RHOH: variants seen among roughly 807,000 people sequenced by gnomAD.
The protein encoded by RHOH is ras homolog family member H.
RHOH carries 6 observed loss-of-function variants against 13.8 expected under a neutral mutation model. The observed-to-expected ratio is 0.44, with a 90% CI of 0.24 to 0.86. The LOEUF is 0.86. Among genes scored for constraint, RHOH ranks in the 40% least tolerant of loss-of-function variants. The pLI is 0.24. For missense variants in RHOH, 147 were observed against 244.5 expected (o/e 0.60, Z 2.66); for synonymous variants, 117 against 103.0 (o/e 1.14, Z -0.82).
chr4:40,223,205 A>G (rs1213927428), intron 1 of RHOH, among the ~76,000 whole-genome samples: 1 of 152,258 alleles, frequency 6.6e-6, no homozygotes, highest in African/African-American at 2.4e-5. Flanking sequence ...ACATAAACTT[A>G]CTTGATAAAG....
intron 1 of RHOH, among the ~76,000 whole-genome samples, chr4:40,199,141 A>G (rs1045365669): frequency 6.6e-6 from 1 of 152,210 alleles, no homozygotes. Context: ...AATAACAGTA[A>G]TAATAACTGA....
chr4:40,214,762 T>C (rs1725680043), intron 1 of RHOH, among the ~76,000 whole-genome samples: 1 of 152,160 alleles, frequency 6.6e-6, no homozygotes, highest in South Asian at 2.1e-4. Flanking sequence ...TTTGATCCCA[T>C]GGATAAGACC....
Position 40,246,353 on chromosome 4 carries a change from G to T in RHOH, c.*2391G>T. The T allele has an allele frequency of 6.5e-6, 1 of 152,686 alleles. No homozygotes were observed. The allele number at this position is 152,686 out of a possible 1,614,324, so 9.5% of individuals were successfully genotyped here. A position where few individuals can be genotyped will look rare whatever the true frequency, so the allele number is the denominator to read the frequency against. Reference sequence around the variant, plus strand: ...GTGAAGGAAGAGGAGGTGGTTCCACGGTGGCAGCAGAGCAGGAAGGGAAGG... The same window carrying T: ...GTGAAGGAAGAGGAGGTGGTTCCACTGTGGCAGCAGAGCAGGAAGGGAAGG... On this transcript the variant is annotated 3_prime_UTR_variant, in exon 3 of 3. Coordinates refer to ENST00000381799, the MANE Select transcript of RHOH (RefSeq NM_004310.5).
chr4:40,222,630 T>G (rs1233256151), intron 1 of RHOH, among the ~76,000 whole-genome samples: 1 of 152,222 alleles, frequency 6.6e-6, no homozygotes, highest in African/African-American at 2.4e-5. Flanking sequence ...ACAACGCACC[T>G]AGTCACCCAA....
upstream of RHOH, among the ~76,000 whole-genome samples, chr4:40,192,794 G>C (rs1216817670): frequency 2.0e-5 from 3 of 152,206 alleles, no homozygotes; most frequent in Non-Finnish European, 4.4e-5. Context: ...GGCTCTGGCT[G>C]CTCCTCGTTG....
chr4:40,228,415 A>T (rs1013878940), intron 1 of RHOH, among the ~76,000 whole-genome samples: 34 of 152,328 alleles, frequency 2.2e-4, no homozygotes, highest in African/African-American at 8.2e-4. Context: ...GATATATAGA[A>T]ATGGTCTGGA....
chr4:40,207,163 G>A (rs1724745673), intron 1 of RHOH, among the ~76,000 whole-genome samples: 1 of 150,842 alleles, frequency 6.6e-6, no homozygotes, highest in East Asian at 2.0e-4. Flanking sequence ...CAGAGATCGT[G>A]CCACTGCACT....
At chr4:40,201,214 A>G (rs1471492842) in intron 1 of RHOH, among the ~76,000 whole-genome samples, 1 of 152,162 alleles carries the variant, frequency 6.6e-6, no homozygotes, top group East Asian at 1.9e-4. Context: ...GGGTAGACAG[A>G]ATTATTCAAC....
chr4:40,201,848 GC>G (rs1479140080), intron 1 of RHOH, among the ~76,000 whole-genome samples: 1 of 150,864 alleles, frequency 6.6e-6, no homozygotes, highest in African/African-American at 2.4e-5. Flanking sequence ...AAAGTAATAT[GC>G]ATGAACATAT....
upstream of RHOH, among the ~76,000 whole-genome samples, chr4:40,191,980 A>G (rs530082165): frequency 2.0e-5 from 3 of 152,002 alleles, no homozygotes; most frequent in East Asian, 5.8e-4. Context: ...AGAGGAAATC[A>G]CCCATGAGAT....
In RHOH at chr4:40,246,040, C is replaced by T. The variant is rs1414545119; in HGVS notation, c.*2078C>T. ...TTGGAGAGCCCGTGTCTCTAGTTCT[C>T]AGCTCAGGGTTGGGGGGCTTGAAAG... On this transcript the variant is annotated 3_prime_UTR_variant, in exon 3 of 3. Transcript: ENST00000381799. The T allele has an allele frequency of 6.6e-6, 1 of 152,242 alleles. No individual in the cohort carries two copies. The highest frequency in any genetic ancestry group is 1.5e-5 in the Non-Finnish European group (1 of 68,094). The allele number at this position is 152,242 out of a possible 1,614,324, so 9.4% of individuals were successfully genotyped here.
In RHOH at chr4:40,246,560, T is replaced by C. The variant is rs1194265903; in HGVS notation, c.*2598T>C. On this transcript the variant is annotated 3_prime_UTR_variant, in exon 3 of 3. Transcript: ENST00000381799. ...ATCTGGCAGAAATGGAGCCGATAAG[T>C]GTCTGTCTTCCTGCTAGACTGCTGT... 6.6e-6 allele frequency: 1 copy of C among 152,338 alleles called. No individual in the cohort carries two copies. The allele number at this position is 152,338 out of a possible 1,614,324, so 9.4% of individuals were successfully genotyped here.
At chr4:40,217,415 A>C (rs1726016399) in intron 1 of RHOH, among the ~76,000 whole-genome samples, 1 of 152,198 alleles carries the variant, frequency 6.6e-6, no homozygotes, top group African/African-American at 2.4e-5. Flanking sequence ...CTGTGAAGGA[A>C]ACTCAGAAAA....
At chr4:40,230,569 A>C (rs1727805305) in intron 1 of RHOH, among the ~76,000 whole-genome samples, 1 of 150,468 alleles carries the variant, frequency 6.6e-6, no homozygotes, top group South Asian at 2.1e-4. Flanking sequence ...TATCCGCAAC[A>C]TGGCAAAACC....
chr4:40,225,801 C>T (rs1023802519), intron 1 of RHOH, among the ~76,000 whole-genome samples: 3 of 152,176 alleles, frequency 2.0e-5, no homozygotes, highest in African/African-American at 7.2e-5. Context: ...TAGGCAGGCT[C>T]TCACTAAGAG....
At chr4:40,222,092 A>C (rs1726654336) in intron 1 of RHOH, among the ~76,000 whole-genome samples, 1 of 152,232 alleles carries the variant, frequency 6.6e-6, no homozygotes, top group Non-Finnish European at 1.5e-5. Flanking sequence ...AGGAAGCTGC[A>C]GAAGAAAAGT....
chr4:40,230,494 C>A (rs114688374), intron 1 of RHOH, among the ~76,000 whole-genome samples: 1,751 of 151,596 alleles, frequency 0.012, 29 homozygotes, highest in African/African-American at 0.041. Flanking sequence ...CCAGGCCCAG[C>A]TAATTTTTTT....
intron 1 of RHOH, among the ~76,000 whole-genome samples, chr4:40,199,495 GAAACCGC>G: frequency 6.6e-6 from 1 of 152,284 alleles, no homozygotes; most frequent in Non-Finnish European, 1.5e-5. Context: ...AACAAACTTG[GAAACCGC>G]TATTTTAAGC....
chr4:40,225,980 C>A lies in RHOH; in HGVS notation c.-330-16734C>A, dbSNP rs185530460. Among the ~76,000 whole-genome samples, 87 of 152,294 alleles carry A rather than the reference C, an allele frequency of 5.7e-4. 1 individual carries two copies. The highest frequency in any genetic ancestry group is 3.4e-3 in the Middle Eastern group (1 of 294). ...AAAAATGAGACAAAAATGATATTGACCACATGCAGTCTTGTTGTAATGATT... is the reference window on the plus strand; with the variant it reads ...AAAAATGAGACAAAAATGATATTGAACACATGCAGTCTTGTTGTAATGATT... On this transcript the variant is annotated intron_variant, in intron 1 of 2. Coordinates refer to ENST00000381799, the MANE Select transcript of RHOH (RefSeq NM_004310.5).
Sources: gnomAD v4.1 joint callset for allele counts (sites outside exome capture counted in the v4.1 genomes callset) on GRCh38, gnomAD v4.1.1 for gene constraint, MANE v1.5 for transcripts, NCBI Gene and HGNC (gene_info 2026-07-23, HGNC 2026-07-21) for gene names.